The following TPD52L2 variants were observed in gnomAD, a reference collection of about 807,000 sequenced individuals.
The protein encoded by TPD52L2 is TPD52 like 2, also known as tumor protein D54.
TPD52L2 carries 19 observed loss-of-function variants against 24.7 expected under a neutral mutation model. The observed-to-expected ratio is 0.77, with a 90% CI of 0.54 to 1.13. TPD52L2 has a LOEUF of 1.13. TPD52L2 is among the 50% of genes most tolerant of loss of function. The probability of loss-of-function intolerance (pLI) is 0.00; values close to 1 mark genes in which losing one functional copy is unlikely to be tolerated. For missense variants in TPD52L2, 236 were observed against 250.4 expected, an observed-to-expected ratio of 0.94 and a Z score of 0.39; for synonymous variants, 104 against 100.2, an observed-to-expected ratio of 1.04 and a Z score of -0.23.
intron 2 of TPD52L2, among the ~76,000 whole-genome samples, chr20:63,869,791 A>G (rs1033076731): frequency 6.6e-6 from 1 of 152,206 alleles, no homozygotes; most frequent in African/African-American, 2.4e-5. Flanking sequence ...TTAAGACCCC[A>G]TGAATCTTTC....
At chr20:63,874,716 C>T (rs1403282650) in intron 3 of TPD52L2, among the ~76,000 whole-genome samples, 1 of 150,084 alleles carries the variant, frequency 6.7e-6, no homozygotes, top group Non-Finnish European at 1.5e-5. Flanking sequence ...GGCTAGTTGT[C>T]CTGGTGGAAA....
At chr20:63,868,938 CA>C (rs376715708) in intron 1 of TPD52L2, among the ~76,000 whole-genome samples, 73 of 147,076 alleles carry the variant, frequency 5.0e-4, no homozygotes, top group African/African-American at 1.1e-3. Flanking sequence ...GAGACTCCAT[CA>C]AAAAAAAAAG....
intron 3 of TPD52L2, among the ~76,000 whole-genome samples, chr20:63,874,651 A>T (rs879745378): frequency 2.6e-5 from 4 of 152,114 alleles, no homozygotes; most frequent in African/African-American, 4.8e-5. Flanking sequence ...TTGGGATTAC[A>T]CGTGTGAGCC....
intron 5 of TPD52L2, among the ~76,000 whole-genome samples, chr20:63,886,236 G>T (rs187069377): frequency 6.6e-6 from 1 of 152,096 alleles, no homozygotes; most frequent in Non-Finnish European, 1.5e-5. Context: ...CGACGCAGAG[G>T]CCCCCCGGAA....
intron 5 of TPD52L2, among the ~76,000 whole-genome samples, chr20:63,884,399 C>T (rs759854017): frequency 3.3e-5 from 5 of 152,118 alleles, no homozygotes; most frequent in Non-Finnish European, 7.4e-5. Flanking sequence ...CATCAGGAGG[C>T]GTTTGCCCAC....
intron 6 of TPD52L2, 42 bp from the exon 7 acceptor site, chr20:63,889,808 T>C (rs765635450): frequency 1.3e-6 from 2 of 1,587,492 alleles, no homozygotes; most frequent in African/African-American, 1.3e-5. Context: ...TGTTGTGTGC[T>C]CTGTCTCAGG....
At chr20:63,867,364 G>T (rs1316552904) in intron 1 of TPD52L2, among the ~76,000 whole-genome samples, 2 of 152,180 alleles carry the variant, frequency 1.3e-5, no homozygotes, top group African/African-American at 4.8e-5. Flanking sequence ...TCAGGAGTTT[G>T]AGACCAGCCT....
At chr20:63,866,138 C>T (rs1211883728) in intron 1 of TPD52L2, among the ~76,000 whole-genome samples, 2 of 152,076 alleles carry the variant, frequency 1.3e-5, no homozygotes, top group Non-Finnish European at 2.9e-5. Context: ...CGGAGTCTTG[C>T]TCTGACGCCA....
At position 63,865,332 on chromosome 20, in the gene TPD52L2, G is replaced by A; in HGVS notation, c.-34G>A. ...CGGCGCCGCCCGCTCGGCTCCCATA[G>A]CGCCCGCGACAGCGGTCCGGACGCC... On this transcript the variant is annotated 5_prime_UTR_variant, in exon 1 of 7. Transcript: ENST00000346249. 1 of 1,519,964 alleles carries A rather than the reference G, an allele frequency of 6.6e-7. No homozygotes were observed. Among genetic ancestry groups the A allele is most frequent in the Non-Finnish European group, 8.8e-7 (1 of 1,139,912 alleles). The allele number at this position is 1,519,964 out of a possible 1,614,324, so 94.2% of individuals were successfully genotyped here. A position where few individuals can be genotyped will look rare whatever the true frequency, so the allele number is the denominator to read the frequency against.
rs1234350449 is a variant in TPD52L2 at position 63,877,118 on chromosome 20, C to T, written c.374+1243C>T. 1.6e-5 allele frequency: 6 copies of T among 382,156 alleles called. No homozygotes were observed. Among genetic ancestry groups the T allele is most frequent in the Non-Finnish European group, 3.1e-5 (6 of 193,502 alleles). 23.7% of individuals were successfully genotyped at this position (382,156 alleles called of 1,614,324 possible). A position where few individuals can be genotyped will look rare whatever the true frequency, so the allele number is the denominator to read the frequency against. On this transcript the variant is annotated intron_variant, in intron 4 of 6. Transcript: ENST00000346249. This position sits in a 1 kb window ranked among gnomAD's most constrained non-coding sequence, Gnocchi z 4.1. ...TGGGCTCACTGCAAGCTCCGCCTCC[C>T]GGGTTCACACCATTCTCCTGCCTCA...
chr20:63,873,981 C>T (rs73151724), intron 3 of TPD52L2, among the ~76,000 whole-genome samples, 165 bp downstream of exon 3: 185 of 152,252 alleles, frequency 1.2e-3, no homozygotes, highest in Non-Finnish European at 2.1e-3. Context: ...CTTGGCCCAG[C>T]GACTGTGCCT....
At chr20:63,881,605 CAGG>C (rs2052901986) in intron 4 of TPD52L2, among the ~76,000 whole-genome samples, 1 of 152,150 alleles carries the variant, frequency 6.6e-6, no homozygotes, top group Non-Finnish European at 1.5e-5. Flanking sequence ...CCAGTGGGAG[CAGG>C]AGGAGCCTGT....
intron 5 of TPD52L2, chr20:63,887,184 A>T: frequency 2.8e-6 from 1 of 360,712 alleles, no homozygotes; most frequent in Non-Finnish European, 5.3e-6. Flanking sequence ...CCAGGCCCAG[A>T]ACAATCTGTG....
At chr20:63,874,866 ATGG>A (rs1253732537) in intron 3 of TPD52L2, among the ~76,000 whole-genome samples, 5 of 152,242 alleles carry the variant, frequency 3.3e-5, no homozygotes, top group African/African-American at 7.2e-5. Flanking sequence ...TGGGCCGGGC[ATGG>A]TGGCTCATGC....
At chr20:63,865,920 G>A (rs1213544866) in intron 1 of TPD52L2, among the ~76,000 whole-genome samples, 2 of 152,170 alleles carry the variant, frequency 1.3e-5, no homozygotes, top group Non-Finnish European at 2.9e-5. Context: ...GAGAGGGGGT[G>A]GAGTGAGTCA....
chr20:63,869,511 G>C (rs1228102564), intron 2 of TPD52L2, 70 bp downstream of exon 2: 5 of 1,591,668 alleles, frequency 3.1e-6, no homozygotes, highest in Non-Finnish European at 4.3e-6. Flanking sequence ...TGAGAGGCCA[G>C]GGTACTGGCC....
At position 63,876,899 on chromosome 20, in the gene TPD52L2, C is replaced by G. The variant is rs557252926; in HGVS notation, c.374+1024C>G. 1.1e-5 allele frequency: 5 copies of G among 449,524 alleles called. No homozygotes were observed. In the Admixed American group the frequency reaches 1.2e-4, roughly 11 times the overall value. 27.8% of individuals were successfully genotyped at this position (449,524 alleles called of 1,614,324 possible). ...GTGCTCTGGGGACCCGGGCGGTTCA[C>G]GGCATGTTGCCCTGGGTATTCCAGG... is the stretch of plus-strand genomic sequence containing the variant. On this transcript the variant is annotated intron_variant, in intron 4 of 6. Coordinates refer to ENST00000346249, the MANE Select transcript of TPD52L2 (RefSeq NM_003288.4).
chr20:63,868,342 T>G (rs189165846), intron 1 of TPD52L2, among the ~76,000 whole-genome samples: 73 of 152,354 alleles, frequency 4.8e-4, no homozygotes, highest in African/African-American at 1.7e-3. Context: ...TTTAGGGTAG[T>G]CAGGAAGATG....
rs116286668 is a variant in TPD52L2, at chr20:63,886,132, G to A, written c.477-3058G>A. 5 of 1,310,840 alleles carry A rather than the reference G, an allele frequency of 3.8e-6. No homozygotes were observed. The South Asian group carries it at 4.7e-5, about 12-fold the overall frequency. 81.2% of individuals were successfully genotyped at this position (1,310,840 alleles called of 1,614,324 possible). A position where few individuals can be genotyped will look rare whatever the true frequency, so the allele number is the denominator to read the frequency against. The stretch of plus-strand genomic sequence containing the variant: ...GCAGGGCCCTTGGGCGGCTGTGCTA[G>A]TAGAGGGCAGTGAAAGTGGGATCAC... On this transcript the variant is annotated intron_variant, in intron 5 of 6. Transcript: ENST00000346249.
Sources: gnomAD v4.1 joint callset for allele counts (sites outside exome capture counted in the v4.1 genomes callset) on GRCh38, gnomAD v4.1.1 for gene constraint, Gnocchi (gnomAD v3.1) non-coding constraint, MANE v1.5 for transcripts, NCBI Gene and HGNC (gene_info 2026-07-23, HGNC 2026-07-21) for gene names.